The following SNX18 variants were observed in gnomAD, a reference collection of about 807,000 sequenced individuals.
SNX18 encodes the protein sorting nexin-18.
In SNX18, 35 loss-of-function variants were observed where a neutral mutation model predicts 48.7. The ratio of observed to expected loss-of-function variants is 0.72; its 90% CI spans 0.55 to 0.95. SNX18 has a LOEUF of 0.95. Ranked by LOEUF, SNX18 falls within the 40% of genes least tolerant of loss-of-function variation. The pLI is 0.00. For missense variants in SNX18, 824 were observed against 871.0 expected (o/e 0.95, Z 0.68); for synonymous variants, 492 against 384.7 (o/e 1.28, Z -3.26).
chr5:54,522,683 A>G (rs2059216), intron 1 of SNX18, among the ~76,000 whole-genome samples: 79,253 of 151,886 alleles, frequency 0.52, 20,914 homozygotes, highest in Non-Finnish European at 0.55. Context: ...TTTATGTCCC[A>G]TTCAGAAAAC....
the SNX18 span, among the ~76,000 whole-genome samples, chr5:54,585,015 G>A: frequency 6.6e-6 from 1 of 152,228 alleles, no homozygotes; most frequent in Non-Finnish European, 1.5e-5. Flanking sequence ...TCACAGGCCA[G>A]GCATGATGGC....
At chr5:54,633,913 T>C in the SNX18 span, among the ~76,000 whole-genome samples, 189 of 152,342 alleles carry the variant, frequency 1.2e-3, no homozygotes, top group African/African-American at 4.4e-3. Flanking sequence ...ACTTATTTTA[T>C]TGTTGGCTTA....
the SNX18 span, among the ~76,000 whole-genome samples, chr5:54,551,694 G>C: frequency 2.6e-5 from 4 of 152,176 alleles, no homozygotes; most frequent in African/African-American, 7.2e-5. Context: ...TGACTCCACA[G>C]CTTGCGATCT....
chr5:54,522,372 G>A (rs1226542208), intron 1 of SNX18, among the ~76,000 whole-genome samples: 1 of 152,132 alleles, frequency 6.6e-6, no homozygotes, highest in Non-Finnish European at 1.5e-5. Context: ...CAACAGAAAT[G>A]ATAGAACTTT....
At chr5:54,599,723 C>A in the SNX18 span, among the ~76,000 whole-genome samples, 1 of 152,092 alleles carries the variant, frequency 6.6e-6, no homozygotes, top group African/African-American at 2.4e-5. Context: ...TTGACAAAAA[C>A]AAGCAATGGG....
Position 54,518,506 on chromosome 5 carries a change from C to T in SNX18, c.554C>T (p.Ala185Val), listed in dbSNP as rs773556595. The T allele has an allele frequency of 3.9e-5, 61 of 1,553,052 alleles. No individual in the cohort carries two copies. The highest frequency in any genetic ancestry group is 5.0e-5 in the Non-Finnish European group (58 of 1,149,186). ...CCGGACCTCGACGGCTCGTCTTCGG[C>T]GGGTGTGGGCGCAGCCGGCCGCTAC... is the stretch of plus-strand genomic sequence containing the variant. ...AYPDLDGSSS[A>V]GVGAAGRYRL... The change falls in exon 1 of 2, where the codon GCG (alanine) becomes GTG (valine). Residue 185 changes from alanine (A) to valine (V), a missense_variant. Ala to Val is a moderately conservative substitution (Grantham distance 64). Around this residue, in one of 3 missense-constraint regions of SNX18, gnomAD observed 377 missense variants for 350.6 expected, o/e 1.08. Transcript: ENST00000381410.
chr5:54,568,419 CAAG>C, the SNX18 span, among the ~76,000 whole-genome samples: 1 of 152,230 alleles, frequency 6.6e-6, no homozygotes. Context: ...CCCTGCCAGG[CAAG>C]GATGCAACGG....
At chr5:54,632,896 T>A in the SNX18 span, among the ~76,000 whole-genome samples, 1 of 152,064 alleles carries the variant, frequency 6.6e-6, no homozygotes, top group Non-Finnish European at 1.5e-5. Context: ...TGCCTCGGCC[T>A]CCTGAGTAGC....
chr5:54,646,240 A>C, the SNX18 span, among the ~76,000 whole-genome samples: 136,741 of 152,292 alleles, frequency 0.9, 61,480 homozygotes, highest in East Asian at 0.92. Flanking sequence ...CCAGATTTTT[A>C]TCTCTCTCCC....
the SNX18 span, among the ~76,000 whole-genome samples, chr5:54,578,543 A>G: frequency 1.3e-5 from 2 of 152,230 alleles, no homozygotes; most frequent in Non-Finnish European, 2.9e-5. Flanking sequence ...ATTAAAGGTC[A>G]TGAAGACAGA....
the SNX18 span, among the ~76,000 whole-genome samples, chr5:54,585,414 T>C: frequency 6.7e-6 from 1 of 149,022 alleles, no homozygotes; most frequent in East Asian, 2.0e-4. Context: ...GAATCCATGG[T>C]TATACTTATA....
At chr5:54,577,597 G>T in the SNX18 span, among the ~76,000 whole-genome samples, 1 of 152,118 alleles carries the variant, frequency 6.6e-6, no homozygotes, top group Non-Finnish European at 1.5e-5. Flanking sequence ...GGATTAGTTT[G>T]TCAGTCTCTG....
chr5:54,600,643 C>A, the SNX18 span, among the ~76,000 whole-genome samples: 1 of 152,156 alleles, frequency 6.6e-6, no homozygotes, highest in African/African-American at 2.4e-5. Flanking sequence ...GAATACTATG[C>A]AGCCATATAA....
rs1336207108 is a variant in SNX18, at chr5:54,544,486, A to C, written c.*1054A>C. 6.6e-6 allele frequency: 1 copy of C among 152,044 alleles called. No homozygotes were observed. The highest frequency in any genetic ancestry group is 1.5e-5 in the Non-Finnish European group (1 of 68,002). The allele number at this position is 152,044 out of a possible 1,614,324, so 9.4% of individuals were successfully genotyped here. On this transcript the variant is annotated 3_prime_UTR_variant, in exon 2 of 2. Coordinates refer to ENST00000381410, the MANE Select transcript of SNX18 (RefSeq NM_001102575.2). ...TTGTTTACTTAAAAACTTTTCAGGG[A>C]TGTCTGTAAATTTCAGTGTTAATAT...
At position 54,518,351 on chromosome 5, in the gene SNX18, G is replaced by A; in HGVS notation, c.399G>A (p.Leu133=). 2 of 1,531,982 alleles carry A rather than the reference G, an allele frequency of 1.3e-6. No homozygotes were observed. Among genetic ancestry groups the A allele is most frequent in the South Asian group, 1.2e-5 (1 of 82,000 alleles). The allele number at this position is 1,531,982 out of a possible 1,614,324, so 94.9% of individuals were successfully genotyped here. A position where few individuals can be genotyped will look rare whatever the true frequency, so the allele number is the denominator to read the frequency against. Residue 133 remains leucine (L), a synonymous_variant, in exon 1 of 2, where the codon CTG becomes CTA. Coordinates refer to ENST00000381410, the MANE Select transcript of SNX18 (RefSeq NM_001102575.2). ...GCTTCCCGTACGGCGGGGGCGCCCT[G>A]CAGCCGTCGCCTCAGCAGCTCTACG... is the stretch of plus-strand genomic sequence containing the variant. ...GAGFPYGGGA[L]QPSPQQLYGG... is the part of the protein sequence containing the mutation.
At chr5:54,586,467 T>C in the SNX18 span, among the ~76,000 whole-genome samples, 2 of 152,110 alleles carry the variant, frequency 1.3e-5, no homozygotes, top group African/African-American at 4.8e-5. Flanking sequence ...TTGATTTGAC[T>C]CATGGTTCTA....
At chr5:54,637,511 G>A in the SNX18 span, among the ~76,000 whole-genome samples, 1 of 152,072 alleles carries the variant, frequency 6.6e-6, no homozygotes, top group Non-Finnish European at 1.5e-5. Context: ...AGTGGTGGTG[G>A]GGTGGGGTAG....
chr5:54,526,024 C>T (rs982335117), intron 1 of SNX18, among the ~76,000 whole-genome samples: 3 of 152,144 alleles, frequency 2.0e-5, no homozygotes, highest in Admixed American at 6.5e-5. Context: ...TGAGGGTTCC[C>T]GGGTGTTCTG....
chr5:54,585,631 C>A, the SNX18 span, among the ~76,000 whole-genome samples: 1 of 152,044 alleles, frequency 6.6e-6, no homozygotes, highest in African/African-American at 2.4e-5. Flanking sequence ...GCAAATTGTA[C>A]AGTAAGGTGG....
Sources: allele counts gnomAD v4.1 joint callset (sites outside exome capture counted in the v4.1 genomes callset), GRCh38; gene constraint gnomAD v4.1.1; regional missense constraint gnomAD v4.1.1; transcripts MANE v1.5; gene names NCBI Gene and HGNC (gene_info 2026-07-23, HGNC 2026-07-21).